Variants in ALG8 observed in about 807,000 individuals in gnomAD.
ALG8 encodes the protein dolichyl pyrophosphate Glc1Man9GlcNAc2 alpha-1,3-glucosyltransferase.
ALG8 carries 48 observed loss-of-function variants against 70.2 expected under a neutral mutation model. That is an observed-to-expected ratio of 0.68 (90% confidence interval 0.54 to 0.87). ALG8 has a LOEUF of 0.87. Ranked by LOEUF, ALG8 falls within the 40% of genes least tolerant of loss-of-function variation. The pLI is 0.00. For synonymous variants in ALG8, 234 were observed against 229.0 expected (o/e 1.02, Z -0.20); for missense variants, 572 against 608.7 (o/e 0.94, Z 0.64).
chr11:78,123,758 T>C (rs1371626634), intron 3 of ALG8, among the ~76,000 whole-genome samples: 1 of 152,190 alleles, frequency 6.6e-6, no homozygotes, highest in Non-Finnish European at 1.5e-5. Flanking sequence ...CCTAGAACTA[T>C]ACTTGGGACT....
intron 5 of ALG8, among the ~76,000 whole-genome samples, chr11:78,117,891 G>A (rs2136912725): frequency 6.6e-6 from 1 of 152,034 alleles, no homozygotes; most frequent in Middle Eastern, 3.4e-3. Flanking sequence ...TGTAAATGGT[G>A]AAACTCCGTC....
intron 10 of ALG8, among the ~76,000 whole-genome samples, chr11:78,104,734 C>T (rs1285833019): frequency 6.6e-6 from 1 of 151,952 alleles, no homozygotes; most frequent in Non-Finnish European, 1.5e-5. Context: ...GAGGCCGAGG[C>T]GGGAGGATCA....
chr11:78,104,467 T>C lies in ALG8; in HGVS notation c.1179-14A>G, dbSNP rs777783936. The C allele has an allele frequency of 3.5e-5, 54 of 1,558,968 alleles. No homozygotes were observed. Among genetic ancestry groups the C allele is most frequent in the Non-Finnish European group, 4.5e-5 (52 of 1,150,628 alleles). ...ACAGACAAAAGGCTAAAAATAAAAATAATTTCTTAAAACAACAACTGTTAT... is the reference window on the plus strand; with the variant it reads ...ACAGACAAAAGGCTAAAAATAAAAACAATTTCTTAAAACAACAACTGTTAT... On this transcript the variant is annotated splice_polypyrimidine_tract_variant and intron_variant, in intron 10 of 12. Coordinates refer to ENST00000299626, the MANE Select transcript of ALG8 (RefSeq NM_024079.5).
intron 12 of ALG8, 125 bp downstream of exon 12, chr11:78,103,855 A>T: frequency 1.8e-6 from 1 of 552,726 alleles, no homozygotes; most frequent in Non-Finnish European, 3.2e-6. Context: ...CTATTTACCA[A>T]TTTTTTTTGT....
chr11:78,113,146 T>C (rs564772), intron 7 of ALG8, among the ~76,000 whole-genome samples: 33,156 of 152,128 alleles, frequency 0.22, 4,471 homozygotes, highest in African/African-American at 0.38. Context: ...TTAAAATTAA[T>C]TAGTTGATTT....
chr11:78,135,636 C>T (rs646744), intron 1 of ALG8, among the ~76,000 whole-genome samples: 3 of 151,820 alleles, frequency 2.0e-5, no homozygotes, highest in African/African-American at 7.3e-5. Context: ...TCACTTGAGG[C>T]CAGGAGTTCA....
intron 8 of ALG8, among the ~76,000 whole-genome samples, chr11:78,111,492 A>T (rs965704319): frequency 3.9e-5 from 6 of 152,252 alleles, no homozygotes; most frequent in African/African-American, 1.4e-4. Context: ...AAACCAAGTC[A>T]TCAGACTCTA....
rs202043259 is a variant in ALG8 at position 78,138,366 on chromosome 11, T to A, written c.95+1128A>T. On this transcript the variant is annotated intron_variant, in intron 1 of 12. Coordinates refer to ENST00000299626, the MANE Select transcript of ALG8 (RefSeq NM_024079.5). The stretch of plus-strand genomic sequence containing the variant: ...GAGACTGTCTCAAAAAAAAAAAAAA[T>A]AACAAACAAAAAAAACAACTCTGAG... Among the ~76,000 whole-genome samples, 457 of 133,422 alleles carry A rather than the reference T, an allele frequency of 3.4e-3. 4 individuals carry two copies. The highest frequency in any genetic ancestry group is 5.1e-3 in the Non-Finnish European group (318 of 61,806). 87.5% of individuals were successfully genotyped at this position (133,422 alleles called of 152,430 possible).
At position 78,107,024 on chromosome 11, in the gene ALG8, T is replaced by C. The variant is rs528175233; in HGVS notation, c.1039-78A>G. On this transcript the variant is annotated intron_variant, in intron 9 of 12. Coordinates refer to ENST00000299626, the MANE Select transcript of ALG8 (RefSeq NM_024079.5). ...AGAAACAGAGTTCAGGTGAATACAA[T>C]TTGCATCATCTCTGAAAGACAGCCA... 2.2e-4 allele frequency: 338 copies of C among 1,543,120 alleles called. 2 individuals carry two copies. Among genetic ancestry groups the C allele is most frequent in the South Asian group, 2.0e-3 (179 of 87,654 alleles).
intron 1 of ALG8, among the ~76,000 whole-genome samples, chr11:78,136,412 T>C (rs933344617): frequency 6.6e-6 from 1 of 151,920 alleles, no homozygotes; most frequent in Non-Finnish European, 1.5e-5. Flanking sequence ...GTGGCATCTG[T>C]CTTTGTCCCA....
At chr11:78,102,324 T>G (rs984431106) in intron 12 of ALG8, among the ~76,000 whole-genome samples, 8 of 152,232 alleles carry the variant, frequency 5.3e-5, no homozygotes, top group Non-Finnish European at 8.8e-5. Context: ...TGATATTTGT[T>G]CTATTCTCTC....
At chr11:78,118,840 C>A (rs148211899) in intron 5 of ALG8, among the ~76,000 whole-genome samples, 2 of 152,124 alleles carry the variant, frequency 1.3e-5, no homozygotes, top group East Asian at 1.9e-4. Context: ...AGGCTTGAAC[C>A]CAAGAGGCAG....
At chr11:78,115,424 C>A (rs529186368) in intron 5 of ALG8, among the ~76,000 whole-genome samples, 50 of 151,594 alleles carry the variant, frequency 3.3e-4, no homozygotes, top group African/African-American at 1.1e-3. Context: ...GTTCTTGTTG[C>A]CCAGGCTGGA....
chr11:78,121,281 G>T, intron 3 of ALG8, 107 bp from the exon 4 acceptor site: 1 of 762,248 alleles, frequency 1.3e-6, no homozygotes. Flanking sequence ...CAAACTACAT[G>T]CCATTCTTTT....
At position 78,124,074 on chromosome 11, in the gene ALG8, G is replaced by C. The variant is rs765419461; in HGVS notation, c.315C>G (p.Phe105Leu). 3 of 1,614,080 alleles carry C rather than the reference G, an allele frequency of 1.9e-6. No individual in the cohort carries two copies. Among genetic ancestry groups the C allele is most frequent in the East Asian group, 4.5e-5 (2 of 44,874 alleles). The change falls in exon 3 of 13, where the codon TTC becomes TTG. Residue 105 changes from phenylalanine (F) to leucine (L), a missense_variant. Transcript: ENST00000299626. ...LNYSSSRTLL[F>L]QRFSVIFMDV... ...CCATAAAGATGACGGAAAATCTCTG[G>C]AAAAGTAAGGTCCTTGAGCTGGAGT...
chr11:78,137,929 A>C (rs551671148), intron 1 of ALG8, among the ~76,000 whole-genome samples: 4 of 152,356 alleles, frequency 2.6e-5, no homozygotes, highest in African/African-American at 7.2e-5. Flanking sequence ...TTGTAAAAAA[A>C]ATGAAAATGC....
chr11:78,121,868 T>C (rs900929678), intron 3 of ALG8, among the ~76,000 whole-genome samples: 2 of 152,214 alleles, frequency 1.3e-5, no homozygotes, highest in Non-Finnish European at 2.9e-5. Context: ...AACCTTTATG[T>C]AAAAATGTAT....
chr11:78,108,365 G>A (rs990446387), intron 9 of ALG8, among the ~76,000 whole-genome samples: 2 of 151,958 alleles, frequency 1.3e-5, no homozygotes, highest in East Asian at 1.9e-4. Context: ...CCAGCTACTT[G>A]GGAGGCTGAG....
At chr11:78,128,804 T>A (rs1861187473) in intron 1 of ALG8, among the ~76,000 whole-genome samples, 1 of 151,332 alleles carries the variant, frequency 6.6e-6, no homozygotes, top group South Asian at 2.1e-4. Context: ...TTAGTAGAGA[T>A]GGGGTTTTAC....
Sources: allele counts gnomAD v4.1 joint callset (sites outside exome capture counted in the v4.1 genomes callset), GRCh38; gene constraint gnomAD v4.1.1; transcripts MANE v1.5; gene names NCBI Gene and HGNC (gene_info 2026-07-23, HGNC 2026-07-21).